Variants in ZDHHC14 observed in about 807,000 individuals in gnomAD.
ZDHHC14 encodes palmitoyltransferase ZDHHC14.
A neutral mutation model predicts 47.7 loss-of-function variants in ZDHHC14; 16 were observed. The ratio of observed to expected loss-of-function variants is 0.34; its 90% CI spans 0.23 to 0.51. The LOEUF (loss-of-function observed/expected upper bound fraction) is 0.51, where lower values mean the gene tolerates loss of function less well. Ranked by LOEUF, ZDHHC14 falls within the 20% of genes least tolerant of loss-of-function variation. The probability of loss-of-function intolerance (pLI) is 0.97; values close to 1 mark genes in which losing one functional copy is unlikely to be tolerated. For synonymous variants in ZDHHC14, 293 were observed against 278.9 expected (o/e 1.05, Z -0.50); for missense variants, 515 against 662.5 (o/e 0.78, Z 2.44).
chr6:157,558,797 C>T (rs1460678979), intron 2 of ZDHHC14, among the ~76,000 whole-genome samples: 1 of 148,190 alleles, frequency 6.7e-6, no homozygotes, highest in Non-Finnish European at 1.5e-5. Flanking sequence ...AAAAAAAAAG[C>T]AAACAAACAA....
intron 1 of ZDHHC14, among the ~76,000 whole-genome samples, chr6:157,460,219 C>CA (rs199908260): frequency 0.28 from 40,984 of 148,946 alleles, 6,325 homozygotes; most frequent in East Asian, 0.5. Flanking sequence ...AAAACAAAAA[C>CA]AAAAAACAAA....
intron 8 of ZDHHC14, among the ~76,000 whole-genome samples, chr6:157,654,739 T>C (rs1778006013): frequency 7.6e-6 from 1 of 130,850 alleles, no homozygotes; most frequent in African/African-American, 3.4e-5. Flanking sequence ...GTTTTCTCTC[T>C]CTTTTTTTTT....
chr6:157,673,857 G>A lies in ZDHHC14; in HGVS notation c.*735G>A, dbSNP rs927292761. On this transcript the variant is annotated 3_prime_UTR_variant, in exon 9 of 9. Coordinates refer to ENST00000359775, the MANE Select transcript of ZDHHC14 (RefSeq NM_024630.3). This position sits in a 1 kb window ranked among gnomAD's most constrained non-coding sequence, Gnocchi z 5.4. ...CGATGAGGTCTCGTGTTGAGATATT[G>A]TGTGCCACAACCCCCACAGTCTTCA... 1.3e-5 allele frequency: 2 copies of A among 152,586 alleles called. No homozygotes were observed. The highest frequency in any genetic ancestry group is 4.8e-5 in the African/African-American group (2 of 41,436). 9.5% of individuals were successfully genotyped at this position (152,586 alleles called of 1,614,324 possible).
chr6:157,469,928 A>G (rs1779315030), intron 1 of ZDHHC14, among the ~76,000 whole-genome samples: 1 of 152,222 alleles, frequency 6.6e-6, no homozygotes, highest in Admixed American at 6.5e-5. Context: ...GGATTACCAC[A>G]GGGAGGGCTT....
intron 1 of ZDHHC14, among the ~76,000 whole-genome samples, chr6:157,447,906 C>G (rs954208398): frequency 1.3e-5 from 2 of 152,104 alleles, no homozygotes; most frequent in African/African-American, 2.4e-5. Context: ...GGGTCTCACT[C>G]TGTTGCCCAG....
At chr6:157,543,229 T>C (rs772399979) in intron 2 of ZDHHC14, among the ~76,000 whole-genome samples, 1 of 152,230 alleles carries the variant, frequency 6.6e-6, no homozygotes, top group Non-Finnish European at 1.5e-5. Context: ...ATCTGTGATA[T>C]GTATTGAGAT....
At chr6:157,520,652 A>G (rs1158673004) in intron 1 of ZDHHC14, among the ~76,000 whole-genome samples, 11 of 152,248 alleles carry the variant, frequency 7.2e-5, no homozygotes, top group Admixed American at 7.2e-4. Context: ...TTCTTAATGA[A>G]TGTATAAATA....
At chr6:157,614,803 C>G (rs961234948) in intron 3 of ZDHHC14, among the ~76,000 whole-genome samples, 1 of 151,332 alleles carries the variant, frequency 6.6e-6, no homozygotes, top group African/African-American at 2.4e-5. Context: ...CAGAGTCTCA[C>G]TGTGTCACCC....
chr6:157,559,906 C>T (rs944522184), intron 2 of ZDHHC14, among the ~76,000 whole-genome samples: 1 of 152,104 alleles, frequency 6.6e-6, no homozygotes, highest in African/African-American at 2.4e-5. Context: ...CCCCCATGGA[C>T]AGGGCTGCAG....
At chr6:157,645,999 C>T (rs543790624) in intron 6 of ZDHHC14, among the ~76,000 whole-genome samples, 160 bp downstream of exon 6, 13 of 152,336 alleles carry the variant, frequency 8.5e-5, no homozygotes, top group African/African-American at 1.9e-4. Flanking sequence ...CTCCACCTGC[C>T]GTTCTGCACG....
intron 3 of ZDHHC14, among the ~76,000 whole-genome samples, chr6:157,605,105 T>C (rs1458651933): frequency 6.6e-6 from 1 of 152,234 alleles, no homozygotes; most frequent in Non-Finnish European, 1.5e-5. Flanking sequence ...TGTTAAAGCC[T>C]AGAAACTTTG....
chr6:157,655,084 C>G (rs550690350), intron 8 of ZDHHC14, among the ~76,000 whole-genome samples: 1 of 152,304 alleles, frequency 6.6e-6, no homozygotes, highest in East Asian at 1.9e-4. Context: ...TGCCGCTCCA[C>G]TGTGTAAGGG....
At chr6:157,484,249 G>A (rs1779702031) in intron 1 of ZDHHC14, among the ~76,000 whole-genome samples, 1 of 146,654 alleles carries the variant, frequency 6.8e-6, no homozygotes, top group Non-Finnish European at 1.5e-5. Context: ...CGCATGACAC[G>A]AGGTTATTTA....
At chr6:157,576,904 T>C (rs998715304) in intron 2 of ZDHHC14, among the ~76,000 whole-genome samples, 3 of 152,228 alleles carry the variant, frequency 2.0e-5, no homozygotes, top group Admixed American at 2.0e-4. Flanking sequence ...GGGGTACATG[T>C]GCAGGTTTCT....
At chr6:157,646,854 G>A (rs1777580181) in intron 6 of ZDHHC14, among the ~76,000 whole-genome samples, 1 of 152,146 alleles carries the variant, frequency 6.6e-6, no homozygotes, top group South Asian at 2.1e-4. Flanking sequence ...ATTAGAATAT[G>A]CAAAACAGAC....
At chr6:157,621,960 G>A (rs1785208228) in intron 3 of ZDHHC14, among the ~76,000 whole-genome samples, 1 of 152,160 alleles carries the variant, frequency 6.6e-6, no homozygotes, top group South Asian at 2.1e-4. Context: ...CTTTCTGACT[G>A]ATTTCCTCCG....
At chr6:157,541,057 C>A (rs561824523) in intron 1 of ZDHHC14, among the ~76,000 whole-genome samples, 1 of 151,944 alleles carries the variant, frequency 6.6e-6, no homozygotes, top group East Asian at 1.9e-4. Flanking sequence ...CAAAGAACAT[C>A]CATTCACCCT....
chr6:157,632,573 C>T (rs916618856), intron 4 of ZDHHC14: 11 of 513,200 alleles, frequency 2.1e-5, no homozygotes, highest in South Asian at 5.4e-5. Context: ...CTATAATTTA[C>T]GGGAAAGTGT....
At chr6:157,522,892 C>A (rs1420204355) in intron 1 of ZDHHC14, among the ~76,000 whole-genome samples, 1 of 35,802 alleles carries the variant, frequency 2.8e-5, no homozygotes, top group Non-Finnish European at 4.7e-5. Flanking sequence ...TTCCTACCAT[C>A]CTTCCTTCCT....
Sources: gnomAD v4.1 joint callset for allele counts (sites outside exome capture counted in the v4.1 genomes callset) on GRCh38, gnomAD v4.1.1 for gene constraint, Gnocchi (gnomAD v3.1) non-coding constraint, MANE v1.5 for transcripts, NCBI Gene and HGNC (gene_info 2026-07-23, HGNC 2026-07-21) for gene names.